The following DPP6 variants were observed in gnomAD, a reference collection of about 807,000 sequenced individuals.
The protein encoded by DPP6 is A-type potassium channel modulatory protein DPP6.
A neutral mutation model predicts 122.6 loss-of-function variants in DPP6; 69 were observed. The observed-to-expected ratio is 0.56, with a 90% confidence interval of 0.46 to 0.69. The LOEUF (loss-of-function observed/expected upper bound fraction) is 0.69, where lower values mean the gene tolerates loss of function less well. Ranked by LOEUF, DPP6 falls within the 30% of genes least tolerant of loss-of-function variation. The probability of loss-of-function intolerance (pLI) is 0.00; values close to 1 mark genes in which losing one functional copy is unlikely to be tolerated. For synonymous variants in DPP6, 418 were observed against 433.1 expected (o/e 0.97, Z 0.43); for missense variants, 928 against 1,116.9 (o/e 0.83, Z 2.41).
chr7:154,404,886 GCAC>G (rs1247024929), intron 1 of DPP6, among the ~76,000 whole-genome samples: 3 of 152,082 alleles, frequency 2.0e-5, no homozygotes, highest in African/African-American at 7.2e-5. Flanking sequence ...AAAAAAAAAT[GCAC>G]CAGTATGTTT....
In DPP6 at chr7:154,005,637, G is replaced by A. The variant is rs554161860; in HGVS notation, c.51+117903G>A. On this transcript the variant is annotated intron_variant, in intron 1 of 25. Transcript: ENST00000404039. ...AGCTGGCCCAGAGGCAGGTGACGTC[G>A]CCCAGGAGGCTGGACCTCGGGGATT... Among the ~76,000 whole-genome samples, 27 of 148,112 alleles carry A rather than the reference G, an allele frequency of 1.8e-4. No individual in the cohort carries two copies. In the East Asian group the frequency reaches 4.3e-3, roughly 24 times the overall value.
chr7:153,818,370 C>G, the DPP6 span, among the ~76,000 whole-genome samples: 2 of 151,918 alleles, frequency 1.3e-5, no homozygotes, highest in African/African-American at 4.8e-5. Context: ...AATTCATTTA[C>G]ATATTAAAAC....
the DPP6 span, among the ~76,000 whole-genome samples, chr7:153,824,793 T>A: frequency 6.6e-6 from 1 of 152,208 alleles, no homozygotes; most frequent in Non-Finnish European, 1.5e-5. Context: ...GGTTTTCTCT[T>A]AAGTCAGCTG....
chr7:154,265,241 ATGT>A (rs1224855793), intron 1 of DPP6, among the ~76,000 whole-genome samples: 2 of 151,898 alleles, frequency 1.3e-5, no homozygotes, highest in Admixed American at 6.6e-5. Context: ...GACAGTGATG[ATGT>A]TGATGGTGTT....
At chr7:154,350,940 G>A (rs58812776) in intron 1 of DPP6, among the ~76,000 whole-genome samples, 6,660 of 152,254 alleles carry the variant, frequency 0.044, 342 homozygotes, top group African/African-American at 0.12. Context: ...GCACTCCTGC[G>A]CTGAGGCTGT....
chr7:154,805,470 A>T (rs1023584270), intron 15 of DPP6, among the ~76,000 whole-genome samples: 3 of 152,068 alleles, frequency 2.0e-5, no homozygotes, highest in Non-Finnish European at 4.4e-5. Flanking sequence ...AGCAGTCTAA[A>T]GTTATTTGGG....
chr7:153,890,186 T>C (rs1799126119), intron 1 of DPP6, among the ~76,000 whole-genome samples: 1 of 152,262 alleles, frequency 6.6e-6, no homozygotes, highest in Non-Finnish European at 1.5e-5. Context: ...TTTTCTACTT[T>C]GCAGTAACAG....
chr7:154,063,116 G>GA (rs1178833719), intron 1 of DPP6, among the ~76,000 whole-genome samples: 2 of 117,062 alleles, frequency 1.7e-5, no homozygotes, highest in Non-Finnish European at 1.8e-5. Context: ...CCCCATCGCA[G>GA]GGGGGGAGGC....
At chr7:154,817,322 A>G (rs1587234251) in intron 16 of DPP6, among the ~76,000 whole-genome samples, 2 of 152,174 alleles carry the variant, frequency 1.3e-5, no homozygotes, top group East Asian at 3.9e-4. Flanking sequence ...ATCATGAGTG[A>G]TTAACGGATG....
At chr7:154,320,001 A>AATATATATATATATATATATAT (rs71182894) in intron 1 of DPP6, among the ~76,000 whole-genome samples, 6 of 139,318 alleles carry the variant, frequency 4.3e-5, no homozygotes, top group African/African-American at 1.7e-4. Flanking sequence ...AAATATTTCA[A>AATATATATATATATATATATAT]ATATATATAT....
chr7:154,856,636 T>G (rs1802854978), intron 17 of DPP6, among the ~76,000 whole-genome samples: 1 of 152,200 alleles, frequency 6.6e-6, no homozygotes, highest in Non-Finnish European at 1.5e-5. Flanking sequence ...CAACCACTTC[T>G]TTTCCTCTGT....
At chr7:154,462,896 T>C (rs1313244623) in intron 2 of DPP6, among the ~76,000 whole-genome samples, 1 of 150,278 alleles carries the variant, frequency 6.7e-6, no homozygotes, top group African/African-American at 2.4e-5. Context: ...TGTTTTCAGA[T>C]TGTTCACTGC....
intron 7 of DPP6, among the ~76,000 whole-genome samples, chr7:154,720,150 G>A (rs1841721859): frequency 2.6e-5 from 4 of 152,194 alleles, no homozygotes; most frequent in Admixed American, 2.6e-4. Flanking sequence ...GCAGGATCTG[G>A]ATAGATGCCA....
chr7:153,783,862 C>T, the DPP6 span, among the ~76,000 whole-genome samples: 1 of 152,124 alleles, frequency 6.6e-6, no homozygotes. Flanking sequence ...AAGTTGGAAA[C>T]AATGTTGATG....
intron 1 of DPP6, among the ~76,000 whole-genome samples, chr7:154,273,823 A>G (rs1158125523): frequency 6.6e-6 from 1 of 152,274 alleles, no homozygotes; most frequent in African/African-American, 2.4e-5. Flanking sequence ...AGCACCAACA[A>G]TTAGGAGAAA....
chr7:153,973,938 G>T (rs1380908639), intron 1 of DPP6, among the ~76,000 whole-genome samples: 1 of 151,464 alleles, frequency 6.6e-6, no homozygotes, highest in African/African-American at 2.4e-5. Context: ...GCTTCATTTT[G>T]GCAATTTTAA....
the DPP6 span, among the ~76,000 whole-genome samples, chr7:153,798,241 G>T: frequency 2.0e-5 from 3 of 152,154 alleles, no homozygotes; most frequent in Admixed American, 2.0e-4. Context: ...ACTTCCCAAT[G>T]CATTGAAGGT....
intron 4 of DPP6, among the ~76,000 whole-genome samples, chr7:154,540,963 T>G (rs893196400): frequency 1.1e-4 from 17 of 152,202 alleles, no homozygotes; most frequent in African/African-American, 4.1e-4. Flanking sequence ...GAGAATTTGC[T>G]CAATCCTGTT....
intron 7 of DPP6, among the ~76,000 whole-genome samples, chr7:154,723,121 T>C (rs1254313790): frequency 6.6e-6 from 1 of 151,454 alleles, no homozygotes; most frequent in South Asian, 2.1e-4. Flanking sequence ...TAGCCAGGAG[T>C]GGTGGCTGGC....
Sources: gnomAD v4.1 joint callset for allele counts (sites outside exome capture counted in the v4.1 genomes callset) on GRCh38, gnomAD v4.1.1 for gene constraint, MANE v1.5 for transcripts, NCBI Gene and HGNC (gene_info 2026-07-23, HGNC 2026-07-21) for gene names.